ATP10A: variants seen among roughly 807,000 people sequenced by gnomAD.
ATP10A encodes the protein phospholipid-transporting ATPase VA.
In ATP10A, 111 loss-of-function variants were observed where a neutral mutation model predicts 147.8. The ratio of observed to expected loss-of-function variants is 0.75; its 90% CI spans 0.64 to 0.88. The LOEUF is 0.88. Ranked by LOEUF, ATP10A falls within the 40% of genes least tolerant of loss-of-function variation. The probability of loss-of-function intolerance (pLI) is 0.00; values close to 1 mark genes in which losing one functional copy is unlikely to be tolerated. For missense variants in ATP10A, 1,927 were observed against 1,959.0 expected, an observed-to-expected ratio of 0.98 and a Z score of 0.31; for synonymous variants, 875 against 841.6, an observed-to-expected ratio of 1.04 and a Z score of -0.69.
At chr15:25,699,276 A>G (rs1430518750) in intron 13 of ATP10A, among the ~76,000 whole-genome samples, 1 of 152,240 alleles carries the variant, frequency 6.6e-6, no homozygotes, top group East Asian at 1.9e-4. Context: ...AATGGAACAG[A>G]ACAGAAAGTC....
intron 2 of ATP10A, among the ~76,000 whole-genome samples, chr15:25,773,934 C>G (rs894682493): frequency 6.6e-6 from 1 of 152,044 alleles, no homozygotes; most frequent in Non-Finnish European, 1.5e-5. Flanking sequence ...TAAGGAAATC[C>G]CTGCTCCAGA....
chr15:25,715,463 T>A (rs1286077058), intron 9 of ATP10A, among the ~76,000 whole-genome samples: 1 of 152,242 alleles, frequency 6.6e-6, no homozygotes, highest in African/African-American at 2.4e-5. Flanking sequence ...CAAGCCTCAA[T>A]GACGCTGCCA....
At chr15:25,676,759 T>C (rs1262186937), downstream of ATP10A, among the ~76,000 whole-genome samples, 1 of 152,164 alleles carries the variant, frequency 6.6e-6, no homozygotes, top group Non-Finnish European at 1.5e-5. Context: ...ACATATTGTT[T>C]ATATATTAAA....
chr15:25,769,311 C>T (rs953363270), intron 2 of ATP10A, among the ~76,000 whole-genome samples: 1 of 151,856 alleles, frequency 6.6e-6, no homozygotes, highest in Admixed American at 6.6e-5. Flanking sequence ...ATGGTGAAAC[C>T]CTGTCTCTAC....
intron 2 of ATP10A, among the ~76,000 whole-genome samples, chr15:25,740,488 C>T (rs1887529287): frequency 6.6e-6 from 1 of 152,184 alleles, no homozygotes; most frequent in Non-Finnish European, 1.5e-5. Flanking sequence ...ACCTGCCAGC[C>T]AGGCAGGGCC....
intron 1 of ATP10A, among the ~76,000 whole-genome samples, chr15:25,839,430 AG>A (rs1892718802): frequency 6.6e-6 from 1 of 152,282 alleles, no homozygotes; most frequent in South Asian, 2.1e-4. Context: ...CTCTCCCTCA[AG>A]TTACTCATAA....
chr15:25,802,196 C>T (rs754520664), intron 1 of ATP10A, among the ~76,000 whole-genome samples: 1 of 152,190 alleles, frequency 6.6e-6, no homozygotes, highest in Non-Finnish European at 1.5e-5. Context: ...CAGAGTGCAC[C>T]GTGGAAACAC....
At chr15:25,857,671 G>GT (rs1293495322) in intron 1 of ATP10A, among the ~76,000 whole-genome samples, 1 of 152,150 alleles carries the variant, frequency 6.6e-6, no homozygotes, top group Non-Finnish European at 1.5e-5. Flanking sequence ...GTACATGGCA[G>GT]TTTGTCACAT....
chr15:25,715,883 T>C (rs1024245570), intron 9 of ATP10A, among the ~76,000 whole-genome samples: 1 of 152,270 alleles, frequency 6.6e-6, no homozygotes, highest in South Asian at 2.1e-4. Context: ...ACCTACCCCA[T>C]TCAACATTCA....
At position 25,862,917 on chromosome 15, in the gene ATP10A, G is replaced by A; in HGVS notation, c.180C>T (p.Ala60=). The change falls in exon 1 of 21, where the codon GCC becomes GCT. Residue 60 remains alanine (A), a synonymous_variant. Coordinates refer to ENST00000555815, the MANE Select transcript of ATP10A (RefSeq NM_024490.4). The part of the protein sequence containing the change: ...RRRRGCAQHL[A]DNRLKTTKYT... ...ACTTGGTAGTCTTGAGCCGGTTGTC[G>A]GCCAGGTGCTGGGCACACCCGCGCC... 1.2e-6 allele frequency: 2 copies of A among 1,607,418 alleles called. No individual in the cohort carries two copies. The highest frequency in any genetic ancestry group is 1.7e-6 in the Non-Finnish European group (2 of 1,177,956).
chr15:25,683,691 T>A, intron 16 of ATP10A: 1 of 585,820 alleles, frequency 1.7e-6, no homozygotes, highest in Non-Finnish European at 3.0e-6. Context: ...CCCTCCTCAC[T>A]CCCTTAAGAA....
intron 1 of ATP10A, among the ~76,000 whole-genome samples, chr15:25,837,556 A>G (rs2140883971): frequency 6.6e-6 from 1 of 152,266 alleles, no homozygotes; most frequent in Middle Eastern, 3.4e-3. Flanking sequence ...AGGACGCATA[A>G]ACCTAGGGCT....
chr15:25,785,558 T>C (rs1023398650), intron 1 of ATP10A, among the ~76,000 whole-genome samples: 26 of 152,212 alleles, frequency 1.7e-4, no homozygotes, highest in African/African-American at 5.3e-4. Flanking sequence ...TCACAGGCTG[T>C]AGTGACAGAA....
intron 3 of ATP10A, among the ~76,000 whole-genome samples, chr15:25,734,168 C>T (rs1887128478): frequency 6.6e-6 from 1 of 152,190 alleles, no homozygotes. Flanking sequence ...CTGCACCGGA[C>T]CCCGCCCCTC....
chr15:25,709,773 G>A (rs532941964), intron 10 of ATP10A: 4 of 152,536 alleles, frequency 2.6e-5, no homozygotes, highest in Non-Finnish European at 4.4e-5. Context: ...CCCTTCTGGC[G>A]AGATCTGCCC....
chr15:25,674,866 G>C (rs74463473), downstream of ATP10A, among the ~76,000 whole-genome samples: 2,336 of 152,310 alleles, frequency 0.015, 60 homozygotes, highest in African/African-American at 0.054. Flanking sequence ...CGGGGCCTGG[G>C]GCCTCCCCAG....
intron 1 of ATP10A, among the ~76,000 whole-genome samples, chr15:25,805,684 G>A (rs1218395728): frequency 6.6e-6 from 1 of 152,258 alleles, no homozygotes; most frequent in Middle Eastern, 3.4e-3. Context: ...GAATCCATAT[G>A]TGAAACACAA....
At chr15:25,770,168 G>GGGCGAGGTGGGGAGGGT (rs1889259791) in intron 2 of ATP10A, among the ~76,000 whole-genome samples, 1 of 149,204 alleles carries the variant, frequency 6.7e-6, no homozygotes, top group Non-Finnish European at 1.5e-5. Context: ...GTGGGGAGGG[G>GGGCGAGGTGGGGAGGGT]CCCCACCCAT....
intron 1 of ATP10A, among the ~76,000 whole-genome samples, chr15:25,808,816 C>T (rs1891308122): frequency 6.6e-6 from 1 of 152,152 alleles, no homozygotes; most frequent in African/African-American, 2.4e-5. Context: ...AAATGCCATA[C>T]ATTCTTTGAG....
Sources: allele counts gnomAD v4.1 joint callset (sites outside exome capture counted in the v4.1 genomes callset), GRCh38; gene constraint gnomAD v4.1.1; transcripts MANE v1.5; gene names NCBI Gene and HGNC (gene_info 2026-07-23, HGNC 2026-07-21).